VPS37C: variants seen among roughly 807,000 people sequenced by gnomAD.
VPS37C encodes the protein vacuolar protein sorting-associated protein 37C.
In VPS37C, 9 loss-of-function variants were observed where a neutral mutation model predicts 16.1. That is an observed-to-expected ratio of 0.56 (90% CI 0.34 to 0.97). VPS37C has a LOEUF of 0.97. VPS37C is among the 50% of genes least tolerant of loss of function. The pLI, the probability that VPS37C is intolerant of heterozygous loss-of-function variation, is 0.02. For synonymous variants in VPS37C, 207 were observed against 206.4 expected (o/e 1.00, Z -0.02); for missense variants, 479 against 472.7 (o/e 1.01, Z -0.12).
intron 1 of VPS37C, among the ~76,000 whole-genome samples, chr11:61,151,024 A>T (rs1853290582): frequency 6.6e-6 from 1 of 152,092 alleles, no homozygotes; most frequent in African/African-American, 2.4e-5. Flanking sequence ...TCTCATTTTA[A>T]ATAGGAGAAA....
rs1051428533 is a variant in VPS37C at position 61,131,216 on chromosome 11, G to C, written c.*604C>G. On this transcript the variant is annotated 3_prime_UTR_variant, in exon 5 of 5. Transcript: ENST00000301765. ...GCTGCTGCCACTCAAATAGGACATA[G>C]GACAAGCTTGTCTGACATCAGCTAC... 1 of 180,400 alleles carries C rather than the reference G, an allele frequency of 5.5e-6. No individual in the cohort carries two copies. The highest frequency in any genetic ancestry group is 2.4e-5 in the African/African-American group (1 of 41,550). The allele number at this position is 180,400 out of a possible 1,614,324, so 11.2% of individuals were successfully genotyped here.
In VPS37C at chr11:61,131,941, T is replaced by C. The variant is rs1476369238; in HGVS notation, c.947A>G (p.Gln316Arg). 6.2e-6 allele frequency: 8 copies of C among 1,294,680 alleles called. No individual in the cohort carries two copies. The highest frequency in any genetic ancestry group is 7.9e-6 in the Non-Finnish European group (8 of 1,014,598). 80.2% of individuals were successfully genotyped at this position (1,294,680 alleles called of 1,614,324 possible). ...GGKPPYPIQP[Q>R]LPSFPGQPQP... ...GGGCTGGCCTGGAAAGCTGGGGAGC[T>C]GAGGCTGTATTGGGTAGGGAGGTTT... Residue 316 changes from glutamine (Q) to arginine (R), a missense_variant, in exon 5 of 5, where the codon CAG becomes CGG. Coordinates refer to ENST00000301765, the MANE Select transcript of VPS37C (RefSeq NM_017966.5).
At chr11:61,153,124 CT>C (rs753192578) in intron 1 of VPS37C, among the ~76,000 whole-genome samples, 14 of 152,226 alleles carry the variant, frequency 9.2e-5, no homozygotes, top group Non-Finnish European at 1.5e-4. Flanking sequence ...CTCGGTGCCC[CT>C]GCCCAAATCT....
chr11:61,157,582 G>C (rs190225109), intron 1 of VPS37C, among the ~76,000 whole-genome samples: 1 of 152,012 alleles, frequency 6.6e-6, no homozygotes, highest in Non-Finnish European at 1.5e-5. Context: ...CTTTTGAATC[G>C]GGTTGTTTTT....
chr11:61,146,415 T>C (rs1018496064), intron 1 of VPS37C, among the ~76,000 whole-genome samples: 4 of 152,226 alleles, frequency 2.6e-5, no homozygotes, highest in African/African-American at 4.8e-5. Flanking sequence ...TAATTCATCA[T>C]GAATACAGAT....
intron 1 of VPS37C, among the ~76,000 whole-genome samples, chr11:61,139,745 T>TTTTG (rs1861441480): frequency 7.0e-6 from 1 of 141,976 alleles, no homozygotes. Context: ...CCATAGCTTT[T>TTTTG]TTTTTTTTTT....
In VPS37C at chr11:61,131,881, G is replaced by T. The variant is rs533880772; in HGVS notation, c.1007C>A (p.Pro336His). ...PSVPLQPPYP[P>H]GPAPPYGFPP... ...GAACCCATAGGGAGGGGCGGGCCCG[G>T]GGGGATAAGGGGGCTGCAGGGGCAC... Residue 336 changes from proline to histidine, a missense_variant, in exon 5 of 5, where the codon CCC becomes CAC. Coordinates refer to ENST00000301765, the MANE Select transcript of VPS37C (RefSeq NM_017966.5). 3 of 1,273,846 alleles carry T rather than the reference G, an allele frequency of 2.4e-6. No individual in the cohort carries two copies. Among genetic ancestry groups the T allele is most frequent in the Admixed American group, 8.0e-5 (2 of 25,016 alleles). 78.9% of individuals were successfully genotyped at this position (1,273,846 alleles called of 1,614,324 possible).
intron 2 of VPS37C, among the ~76,000 whole-genome samples, chr11:61,137,261 C>CT (rs1861393639): frequency 1.3e-5 from 2 of 152,264 alleles, no homozygotes; most frequent in East Asian, 3.9e-4. Context: ...GACTCAATGA[C>CT]TGTCTTATAG....
intron 1 of VPS37C, among the ~76,000 whole-genome samples, chr11:61,159,057 T>G (rs1271454265): frequency 1.3e-5 from 2 of 152,204 alleles, no homozygotes; most frequent in Non-Finnish European, 2.9e-5. Flanking sequence ...AAATCAGGTC[T>G]TGAGTGATCT....
In VPS37C at chr11:61,132,549, A is replaced by G. The variant is rs752021077; in HGVS notation, c.349-10T>C. ...ACTTCTCAGCCATGGCCTGGAAGACATAAGGTCCAGTGACAACAGGGGCAG... is the reference window on the plus strand; with the variant it reads ...ACTTCTCAGCCATGGCCTGGAAGACGTAAGGTCCAGTGACAACAGGGGCAG... On this transcript the variant is annotated splice_polypyrimidine_tract_variant and intron_variant, in intron 4 of 4. Coordinates refer to ENST00000301765, the MANE Select transcript of VPS37C (RefSeq NM_017966.5). 7 of 1,576,848 alleles carry G rather than the reference A, an allele frequency of 4.4e-6. No individual in the cohort carries two copies. Among genetic ancestry groups the G allele is most frequent in the South Asian group, 3.5e-5 (3 of 85,674 alleles).
At chr11:61,149,309 G>C (rs902208525) in intron 1 of VPS37C, among the ~76,000 whole-genome samples, 4 of 152,086 alleles carry the variant, frequency 2.6e-5, no homozygotes, top group African/African-American at 7.2e-5. Context: ...AAACAAAAAA[G>C]ACTAAGTGAA....
intron 1 of VPS37C, among the ~76,000 whole-genome samples, chr11:61,152,942 C>A (rs1853323340): frequency 6.6e-6 from 1 of 152,242 alleles, no homozygotes. Context: ...CCAAAGAGTT[C>A]ATCCTGCCTT....
At chr11:61,132,675 GCCC>G in intron 4 of VPS37C, 136 bp from the exon 5 acceptor site, 1 of 1,168,824 alleles carries the variant, frequency 8.6e-7, no homozygotes, top group South Asian at 1.6e-5. Flanking sequence ...CTGCCCATAC[GCCC>G]CTTCTCACAG....
rs1198769639 is a variant in VPS37C at position 61,149,019 on chromosome 11, C to T, written c.-6-10184G>A. The stretch of plus-strand genomic sequence containing the variant: ...AAGAGGGGCCAGGCGCGGTGGCTCA[C>T]GCCTGTAATCCCAGCACTTTGGGAG... On this transcript the variant is annotated intron_variant, in intron 1 of 4. Coordinates refer to ENST00000301765, the MANE Select transcript of VPS37C (RefSeq NM_017966.5). Among the ~76,000 whole-genome samples, 7 of 152,358 alleles carry T rather than the reference C, an allele frequency of 4.6e-5. 1 individual carries two copies. Among genetic ancestry groups the T allele is most frequent in the South Asian group, 4.1e-4 (2 of 4,826 alleles).
chr11:61,152,386 A>G (rs1372214453), intron 1 of VPS37C, among the ~76,000 whole-genome samples: 2 of 152,132 alleles, frequency 1.3e-5, no homozygotes, highest in Non-Finnish European at 2.9e-5. Context: ...GGAATCCACG[A>G]AGGCCATTAT....
intron 1 of VPS37C, among the ~76,000 whole-genome samples, chr11:61,152,216 G>A (rs1020134348): frequency 2.6e-5 from 4 of 152,154 alleles, no homozygotes; most frequent in African/African-American, 7.2e-5. Flanking sequence ...GCCATCCTAC[G>A]CTGACATAAA....
chr11:61,142,164 A>C (rs1398484534), intron 1 of VPS37C, among the ~76,000 whole-genome samples: 1 of 152,262 alleles, frequency 6.6e-6, no homozygotes. Context: ...AATGTTAAGG[A>C]GGACTCCAAA....
intron 1 of VPS37C, among the ~76,000 whole-genome samples, chr11:61,156,220 C>T (rs662151): frequency 0.74 from 113,077 of 152,166 alleles, 43,535 homozygotes; most frequent in East Asian, 1. Context: ...TAAACTCAAC[C>T]ATATCAATAA....
At chr11:61,134,646 C>T (rs1339604182) in intron 2 of VPS37C, among the ~76,000 whole-genome samples, 3 of 152,172 alleles carry the variant, frequency 2.0e-5, no homozygotes, top group Non-Finnish European at 2.9e-5. Flanking sequence ...TGGTCCTGGC[C>T]AGATGCACAG....
Sources: gnomAD v4.1 joint callset for allele counts (sites outside exome capture counted in the v4.1 genomes callset) on GRCh38, gnomAD v4.1.1 for gene constraint, MANE v1.5 for transcripts, NCBI Gene and HGNC (gene_info 2026-07-23, HGNC 2026-07-21) for gene names.